CNTNAP2: variants seen among roughly 807,000 people sequenced by gnomAD.
CNTNAP2 encodes the protein contactin associated protein 2.
A neutral mutation model predicts 155.2 loss-of-function variants in CNTNAP2; 98 were observed. The observed-to-expected ratio is 0.63, with a 90% CI of 0.54 to 0.75. The LOEUF (loss-of-function observed/expected upper bound fraction) is 0.75. CNTNAP2 is among the 30% of genes least tolerant of loss of function. The probability of loss-of-function intolerance (pLI) is 0.00; values close to 1 mark genes in which losing one functional copy is unlikely to be tolerated. For missense variants in CNTNAP2, 1,727 were observed against 1,688.1 expected, an observed-to-expected ratio of 1.02 and a Z score of -0.40; for synonymous variants, 651 against 631.2, an observed-to-expected ratio of 1.03 and a Z score of -0.47.
intron 14 of CNTNAP2, among the ~76,000 whole-genome samples, chr7:147,937,182 G>A (rs188117905): frequency 4.3e-4 from 66 of 152,272 alleles, no homozygotes; most frequent in African/African-American, 1.4e-3. Context: ...TGTGGGAAAA[G>A]TGAGAGGACA....
intron 13 of CNTNAP2, among the ~76,000 whole-genome samples, chr7:147,816,578 T>C (rs1798270132): frequency 6.6e-6 from 1 of 152,144 alleles, no homozygotes; most frequent in Admixed American, 6.5e-5. Context: ...CGGTTTCTGC[T>C]TGGGAACTCT....
intron 15 of CNTNAP2, among the ~76,000 whole-genome samples, chr7:147,995,388 C>A (rs1801784848): frequency 1.3e-5 from 2 of 152,190 alleles, no homozygotes; most frequent in Admixed American, 6.5e-5. Flanking sequence ...TCTCCACACT[C>A]TTTTCCCTCT....
chr7:147,324,693 CT>C (rs148668462), intron 9 of CNTNAP2, among the ~76,000 whole-genome samples: 8 of 151,096 alleles, frequency 5.3e-5, no homozygotes, highest in Admixed American at 1.3e-4. Flanking sequence ...TTTATTTTTA[CT>C]TTTTTTTTCT....
At chr7:147,010,007 C>CTTTT (rs67223892) in intron 3 of CNTNAP2, among the ~76,000 whole-genome samples, 3 of 123,722 alleles carry the variant, frequency 2.4e-5, no homozygotes, top group Non-Finnish European at 3.4e-5. Flanking sequence ...TATCTTGGTT[C>CTTTT]TTTTTTTTTT....
At chr7:147,497,561 G>A (rs1196493182) in intron 11 of CNTNAP2, among the ~76,000 whole-genome samples, 1 of 152,196 alleles carries the variant, frequency 6.6e-6, no homozygotes, top group Non-Finnish European at 1.5e-5. Flanking sequence ...ATACCTCTAA[G>A]AATTTGTCTG....
intron 1 of CNTNAP2, among the ~76,000 whole-genome samples, chr7:146,412,128 C>G (rs752202456): frequency 6.6e-6 from 1 of 152,050 alleles, no homozygotes; most frequent in Admixed American, 6.6e-5. Flanking sequence ...CCACCGCGCC[C>G]GGCCAACATT....
chr7:146,552,446 A>T (rs1001816359), intron 1 of CNTNAP2, among the ~76,000 whole-genome samples: 1 of 152,050 alleles, frequency 6.6e-6, no homozygotes, highest in African/African-American at 2.4e-5. Context: ...TCTGGGTTCG[A>T]TCACTTCTAA....
chr7:147,704,954 T>C (rs1207188482), intron 13 of CNTNAP2, among the ~76,000 whole-genome samples: 1 of 152,124 alleles, frequency 6.6e-6, no homozygotes, highest in Non-Finnish European at 1.5e-5. Flanking sequence ...ATTTGGGTCT[T>C]CTTTATTTCT....
chr7:148,393,148 A>C (rs1799390493), intron 22 of CNTNAP2, among the ~76,000 whole-genome samples: 2 of 151,874 alleles, frequency 1.3e-5, no homozygotes, highest in Non-Finnish European at 3.0e-5. Context: ...TTTCTACCTA[A>C]CTACAAGCTG....
rs113330363 is a variant in CNTNAP2, at chr7:147,223,816, C to T, written c.1349-76325C>T. 3.3e-3 allele frequency among the ~76,000 whole-genome samples: 501 copies of T among 151,874 alleles called. 5 individuals are homozygous for T. The highest frequency in any genetic ancestry group is 0.011 in the African/African-American group (471 of 41,448). On this transcript the variant is annotated intron_variant, in intron 8 of 23. Coordinates refer to ENST00000361727, the MANE Select transcript of CNTNAP2 (RefSeq NM_014141.6). Reference sequence around the variant, plus strand: ...ATTAGCTGGGTGTGGTGGCACACACCTGTAGTCCTAGCTACTTGGGAGGCC... The same window carrying T: ...ATTAGCTGGGTGTGGTGGCACACACTTGTAGTCCTAGCTACTTGGGAGGCC...
chr7:146,935,049 CATA>C (rs1420453061), intron 3 of CNTNAP2, among the ~76,000 whole-genome samples: 1 of 152,188 alleles, frequency 6.6e-6, no homozygotes, highest in Non-Finnish European at 1.5e-5. Flanking sequence ...ACCTTGTGTT[CATA>C]ATTTCACAAT....
intron 15 of CNTNAP2, among the ~76,000 whole-genome samples, chr7:148,071,395 G>A (rs1803379229): frequency 6.6e-6 from 1 of 152,152 alleles, no homozygotes; most frequent in Non-Finnish European, 1.5e-5. Context: ...CAGGGGAATT[G>A]CTTGAACCAG....
chr7:147,162,805 C>A (rs1802051189), intron 8 of CNTNAP2, among the ~76,000 whole-genome samples: 1 of 152,138 alleles, frequency 6.6e-6, no homozygotes, highest in Non-Finnish European at 1.5e-5. Flanking sequence ...AAGAGCCACC[C>A]ACTCTCTTAC....
chr7:148,415,255 A>AAAAACAGACATCTTACTTCATTTTTG (rs1416113229), intron 23 of CNTNAP2, among the ~76,000 whole-genome samples, 162 bp from the exon 24 acceptor site: 1 of 152,212 alleles, frequency 6.6e-6, no homozygotes, highest in Non-Finnish European at 1.5e-5. Context: ...CTTCATGGAC[A>AAAAACAGACATCTTACTTCATTTTTG]AAAACAGACA....
chr7:148,193,571 G>A (rs191862657), intron 18 of CNTNAP2, among the ~76,000 whole-genome samples: 1 of 152,100 alleles, frequency 6.6e-6, no homozygotes, highest in East Asian at 1.9e-4. Context: ...GAGGATTCTG[G>A]GACCTAAAAA....
At chr7:146,913,936 C>A (rs543085190) in intron 3 of CNTNAP2, among the ~76,000 whole-genome samples, 2 of 151,902 alleles carry the variant, frequency 1.3e-5, no homozygotes, top group African/African-American at 4.8e-5. Context: ...CCCCAAAGTC[C>A]CTTGTAACAT....
At chr7:147,625,109 A>G (rs1045392977) in intron 12 of CNTNAP2, among the ~76,000 whole-genome samples, 35 of 152,126 alleles carry the variant, frequency 2.3e-4, no homozygotes, top group Admixed American at 1.9e-3. Context: ...GAGGCTGGGA[A>G]GGGTAGTGAG....
chr7:148,239,117 C>T (rs1366657329), intron 20 of CNTNAP2, among the ~76,000 whole-genome samples: 1 of 152,186 alleles, frequency 6.6e-6, no homozygotes. Flanking sequence ...ATGATAAACT[C>T]ACAGCCTGGG....
At chr7:147,751,107 A>T (rs924026283) in intron 13 of CNTNAP2, among the ~76,000 whole-genome samples, 1 of 151,546 alleles carries the variant, frequency 6.6e-6, no homozygotes, top group Non-Finnish European at 1.5e-5. Context: ...GCTTTGAAGA[A>T]AAAGGCTAGA....
Sources: gnomAD v4.1 joint callset for allele counts (sites outside exome capture counted in the v4.1 genomes callset) on GRCh38, gnomAD v4.1.1 for gene constraint, MANE v1.5 for transcripts, NCBI Gene and HGNC (gene_info 2026-07-23, HGNC 2026-07-21) for gene names.